CHD6: variants seen among roughly 807,000 people sequenced by gnomAD.
The protein encoded by CHD6 is chromodomain helicase DNA binding protein 6.
A neutral mutation model predicts 276.9 loss-of-function variants in CHD6; 50 were observed. The ratio of observed to expected loss-of-function variants is 0.18; its 90% CI spans 0.14 to 0.23. The LOEUF (loss-of-function observed/expected upper bound fraction) is 0.23, where lower values mean the gene tolerates loss of function less well. Among genes scored for constraint, CHD6 ranks in the 10% least tolerant of loss-of-function variants. The pLI is 1.00. For missense variants in CHD6, 2,564 were observed against 3,365.8 expected (o/e 0.76, Z 5.89); for synonymous variants, 1,173 against 1,229.3 (o/e 0.95, Z 0.96).
chr20:41,588,547 C>T (rs114850188), intron 1 of CHD6, among the ~76,000 whole-genome samples: 1,721 of 152,218 alleles, frequency 0.011, 35 homozygotes, highest in African/African-American at 0.039. Flanking sequence ...GAGGCAGGTA[C>T]AAAAACCCAT....
intron 36 of CHD6, among the ~76,000 whole-genome samples, chr20:41,409,308 A>G (rs1479144941): frequency 6.6e-6 from 1 of 152,116 alleles, no homozygotes; most frequent in Non-Finnish European, 1.5e-5. Context: ...CCTCCTGGTA[A>G]TTATACCCTG....
At chr20:41,575,602 C>A (rs572902603) in intron 1 of CHD6, among the ~76,000 whole-genome samples, 1 of 152,316 alleles carries the variant, frequency 6.6e-6, no homozygotes, top group African/African-American at 2.4e-5. Context: ...CAGCCCCACA[C>A]TGGAACCGAC....
chr20:41,533,597 T>C, intron 2 of CHD6, 27 bp from the exon 3 acceptor site: 1 of 1,553,990 alleles, frequency 6.4e-7, no homozygotes, highest in Non-Finnish European at 8.6e-7. Context: ...AACAAGCATA[T>C]TACCCTTCCA....
intron 16 of CHD6, among the ~76,000 whole-genome samples, chr20:41,478,703 A>T (rs1458103199): frequency 6.6e-6 from 1 of 152,196 alleles, no homozygotes; most frequent in Non-Finnish European, 1.5e-5. Context: ...CTGAAATGGG[A>T]ACTACTGTCT....
At chr20:41,487,616 T>A in intron 14 of CHD6, 49 bp downstream of exon 14, 6 of 1,544,500 alleles carry the variant, frequency 3.9e-6, no homozygotes, top group Non-Finnish European at 5.2e-6. Flanking sequence ...CTTTTCTTGA[T>A]GAAGATAACG....
At chr20:41,541,952 T>A (rs1402719322) in intron 2 of CHD6, among the ~76,000 whole-genome samples, 1 of 152,200 alleles carries the variant, frequency 6.6e-6, no homozygotes, top group Non-Finnish European at 1.5e-5. Flanking sequence ...CTAATTCTTG[T>A]TAACTCTAGG....
chr20:41,536,952 T>A (rs1254969030), intron 2 of CHD6, among the ~76,000 whole-genome samples: 21 of 152,146 alleles, frequency 1.4e-4, no homozygotes, highest in Non-Finnish European at 1.5e-5. Flanking sequence ...CAAACAGGCA[T>A]ATATAGAGAT....
chr20:41,606,572 G>A (rs2045831070), intron 1 of CHD6, among the ~76,000 whole-genome samples: 1 of 151,970 alleles, frequency 6.6e-6, no homozygotes, highest in Non-Finnish European at 1.5e-5. Flanking sequence ...CTACTCAGGA[G>A]GCTGAGGCAG....
chr20:41,445,601 G>C (rs1386067933), intron 25 of CHD6, 64 bp downstream of exon 25: 1 of 1,021,632 alleles, frequency 9.8e-7, no homozygotes, highest in East Asian at 2.4e-5. Context: ...TAGTTGGAGG[G>C]GCTGAACTCA....
intron 14 of CHD6, 43 bp downstream of exon 14, chr20:41,487,622 T>A: frequency 6.4e-7 from 1 of 1,555,782 alleles, no homozygotes; most frequent in South Asian, 1.2e-5. Context: ...TTGATGAAGA[T>A]AACGATCACA....
At chr20:41,524,999 GGTCTTCA>G (rs1168791286) in intron 3 of CHD6, among the ~76,000 whole-genome samples, 3 of 152,036 alleles carry the variant, frequency 2.0e-5, no homozygotes, top group Admixed American at 6.6e-5. Flanking sequence ...ACGGTCTTGG[GGTCTTCA>G]GTAGACTGAT....
intron 1 of CHD6, among the ~76,000 whole-genome samples, chr20:41,610,532 C>T (rs554380991): frequency 3.3e-5 from 5 of 152,144 alleles, no homozygotes; most frequent in South Asian, 4.2e-4. Context: ...GAGGCCGAGG[C>T]GGGCGGAATA....
At chr20:41,549,603 C>G (rs1171388337) in intron 2 of CHD6, among the ~76,000 whole-genome samples, 1 of 149,984 alleles carries the variant, frequency 6.7e-6, no homozygotes, top group Non-Finnish European at 1.5e-5. Context: ...TGTAACAAAC[C>G]TGCACATTGT....
intron 25 of CHD6, among the ~76,000 whole-genome samples, chr20:41,441,261 C>T (rs1372936591): frequency 1.3e-5 from 2 of 152,156 alleles, no homozygotes; most frequent in Non-Finnish European, 2.9e-5. Flanking sequence ...TAGCAAAGGG[C>T]CTGACACTGT....
intron 27 of CHD6, among the ~76,000 whole-genome samples, chr20:41,432,941 T>A (rs953653225): frequency 6.6e-6 from 1 of 151,902 alleles, no homozygotes; most frequent in Non-Finnish European, 1.5e-5. Context: ...GTTTGAAAAG[T>A]ACAATAAACT....
intron 18 of CHD6, among the ~76,000 whole-genome samples, chr20:41,456,364 A>G (rs1014101332): frequency 1.3e-5 from 2 of 151,976 alleles, no homozygotes; most frequent in Non-Finnish European, 2.9e-5. Flanking sequence ...CAGAAGAACA[A>G]TGATTTATTC....
intron 17 of CHD6, among the ~76,000 whole-genome samples, chr20:41,463,208 T>C (rs1404106824): frequency 6.6e-6 from 1 of 151,948 alleles, no homozygotes; most frequent in Non-Finnish European, 1.5e-5. Flanking sequence ...AATAAATAAA[T>C]GGGAGAAAAA....
rs2048224829 is a variant in CHD6 at position 41,451,096 on chromosome 20, G to A, written c.3533C>T (p.Ala1178Val). 6 of 1,613,524 alleles carry A rather than the reference G, an allele frequency of 3.7e-6. No individual in the cohort carries two copies. In the African/African-American group the frequency reaches 4.0e-5, roughly 11 times the overall value. Residue 1178 changes from alanine to valine, a missense_variant, in exon 23 of 37, where the codon GCC becomes GTC. Physicochemically the swap from Ala to Val is moderately conservative, Grantham distance 64 (BLOSUM62 0). Coordinates refer to ENST00000373233, the MANE Select transcript of CHD6 (RefSeq NM_032221.5). ...QTLQNHSGLSAPVPRGRKGKK... is the reference protein window; with the variant it reads ...QTLQNHSGLSVPVPRGRKGKK... ...CCCCTTCCTCCCTCTGGGGACTGGG[G>A]CAGATAAGCCTGAAACAGAAAGACA...
intron 16 of CHD6, among the ~76,000 whole-genome samples, chr20:41,481,586 TATG>T (rs1352768288): frequency 6.6e-6 from 1 of 152,104 alleles, no homozygotes; most frequent in Non-Finnish European, 1.5e-5. Flanking sequence ...AGCATTCTCA[TATG>T]ATATTTTGGA....
Sources: allele counts gnomAD v4.1 joint callset (sites outside exome capture counted in the v4.1 genomes callset), GRCh38; gene constraint gnomAD v4.1.1; transcripts MANE v1.5; gene names NCBI Gene and HGNC (gene_info 2026-07-23, HGNC 2026-07-21).